AFDN: variants seen among roughly 807,000 people sequenced by gnomAD.
AFDN encodes the protein afadin.
Under a neutral mutation model 216.6 loss-of-function variants are expected in AFDN, and 68 were observed. The ratio of observed to expected loss-of-function variants is 0.31; its 90% confidence interval spans 0.26 to 0.38. The LOEUF (loss-of-function observed/expected upper bound fraction) is 0.38, where lower values mean the gene tolerates loss of function less well. Ranked by LOEUF, AFDN falls within the 10% of genes least tolerant of loss-of-function variation. The pLI is 1.00. For synonymous variants in AFDN, 868 were observed against 853.7 expected (o/e 1.02, Z -0.29); for missense variants, 2,136 against 2,342.0 (o/e 0.91, Z 1.82).
At chr6:167,966,321 C>T in intron 32 of AFDN, 1 of 1,390,042 alleles carries the variant, frequency 7.2e-7, no homozygotes, top group South Asian at 1.3e-5. Context: ...ATGATTGGAA[C>T]CTCAGCATCT....
chr6:167,903,469 A>G (rs1789249168), intron 12 of AFDN, among the ~76,000 whole-genome samples: 1 of 152,184 alleles, frequency 6.6e-6, no homozygotes, highest in Non-Finnish European at 1.5e-5. Context: ...GCCTTCTTGA[A>G]TGTTAGGCCC....
At position 167,827,172 on chromosome 6, in the gene AFDN, G is replaced by A; in HGVS notation, c.40G>A (p.Ala14Thr). 2 of 1,306,608 alleles carry A rather than the reference G, an allele frequency of 1.5e-6. No homozygotes were observed. The highest frequency in any genetic ancestry group is 1.0e-6 in the Non-Finnish European group (1 of 998,816). 80.9% of individuals were successfully genotyped at this position (1,306,608 alleles called of 1,614,324 possible). ...CCGTGACGAGGAGCGGCGGAAGCTG[G>A]CCGACATCATCCACCACTGGAACGC... ...GGRDEERRKL[A>T]DIIHHWNANR... is the part of the protein sequence containing the mutation. The change falls in exon 1 of 34, where the codon GCC (alanine) becomes ACC (threonine). Residue 14 changes from alanine (A) to threonine (T), a missense_variant. By Grantham distance (58) the Ala-to-Thr change is moderately conservative. Coordinates refer to ENST00000683244, the MANE Select transcript of AFDN (RefSeq NM_001386888.1).
upstream of AFDN, chr6:167,826,776 G>C: frequency 2.9e-6 from 1 of 345,276 alleles, no homozygotes; most frequent in Non-Finnish European, 5.7e-6. Flanking sequence ...TGGCGGCCGC[G>C]GCAGCAGCAC....
intron 23 of AFDN, among the ~76,000 whole-genome samples, chr6:167,934,244 A>G (rs147144540): frequency 1.3e-4 from 20 of 152,310 alleles, no homozygotes; most frequent in African/African-American, 4.1e-4. Flanking sequence ...TATACAAAGC[A>G]TAAACGAAAC....
At chr6:167,936,458 T>C (rs1470219609) in intron 23 of AFDN, among the ~76,000 whole-genome samples, 1 of 152,248 alleles carries the variant, frequency 6.6e-6, no homozygotes, top group African/African-American at 2.4e-5. Context: ...ATTATTTTAA[T>C]AAATTTTGAG....
chr6:167,967,164 A>G (rs1797651682), intron 32 of AFDN, among the ~76,000 whole-genome samples: 2 of 152,210 alleles, frequency 1.3e-5, no homozygotes, highest in African/African-American at 4.8e-5. Flanking sequence ...TTCTGGTACT[A>G]AATATCTTCA....
intron 30 of AFDN, among the ~76,000 whole-genome samples, chr6:167,958,937 G>C: frequency 6.6e-6 from 1 of 152,238 alleles, no homozygotes; most frequent in East Asian, 1.9e-4. Context: ...CAGAATATCA[G>C]AGCCACAGTG....
chr6:167,942,769 A>G (rs890772040), intron 23 of AFDN, among the ~76,000 whole-genome samples: 6 of 152,220 alleles, frequency 3.9e-5, no homozygotes, highest in Non-Finnish European at 8.8e-5. Flanking sequence ...ACAAGGGTAT[A>G]AGGGAGGATA....
At chr6:167,836,634 T>C (rs138115147) in intron 1 of AFDN, among the ~76,000 whole-genome samples, 1,821 of 152,346 alleles carry the variant, frequency 0.012, 23 homozygotes, top group Non-Finnish European at 0.018. Context: ...AGTGGCACCT[T>C]GTTTTGCACA....
intron 22 of AFDN, 71 bp downstream of exon 22, chr6:167,923,030 C>T (rs757952100): frequency 9.6e-7 from 1 of 1,041,790 alleles, no homozygotes; most frequent in African/African-American, 1.6e-5. Flanking sequence ...AGATTTGTTT[C>T]TTTCTTACAC....
intron 30 of AFDN, chr6:167,954,388 C>T: frequency 3.8e-6 from 5 of 1,301,682 alleles, no homozygotes; most frequent in Non-Finnish European, 5.3e-6. Context: ...TGGCAGATTA[C>T]AGGTCTAAAC....
intron 3 of AFDN, among the ~76,000 whole-genome samples, chr6:167,871,684 T>TA (rs1394173639): frequency 6.6e-6 from 1 of 152,196 alleles, no homozygotes; most frequent in East Asian, 1.9e-4. Flanking sequence ...GAAACGAAGT[T>TA]AGAGATTTTT....
At chr6:167,925,241 C>T in intron 23 of AFDN, 150 bp downstream of exon 23, 1 of 635,566 alleles carries the variant, frequency 1.6e-6, no homozygotes, top group South Asian at 1.9e-5. Context: ...AATGGTGTTA[C>T]ATGAATGAAG....
chr6:167,834,455 C>T (rs373854216), intron 1 of AFDN, among the ~76,000 whole-genome samples: 1,116 of 60,848 alleles, frequency 0.018, 25 homozygotes, highest in African/African-American at 0.062. Flanking sequence ...GTTGTTGTTT[C>T]GGTTTTTTTT....
chr6:167,873,289 C>T (rs1784984140), intron 4 of AFDN, among the ~76,000 whole-genome samples: 1 of 152,158 alleles, frequency 6.6e-6, no homozygotes, highest in Non-Finnish European at 1.5e-5. Context: ...ATATACTTGT[C>T]TGGAGAGGCT....
At chr6:167,863,147 G>A (rs191203198) in intron 1 of AFDN, among the ~76,000 whole-genome samples, 14 of 152,250 alleles carry the variant, frequency 9.2e-5, no homozygotes, top group East Asian at 3.9e-4. Context: ...TGTTTTGAGC[G>A]CCAACATGAC....
chr6:167,906,045 G>A (rs1355200349), intron 12 of AFDN, among the ~76,000 whole-genome samples: 1 of 152,222 alleles, frequency 6.6e-6, no homozygotes, highest in Admixed American at 6.5e-5. Flanking sequence ...GGAGCTTGCA[G>A]TGAGCTGAGA....
intron 30 of AFDN, chr6:167,954,597 G>C: frequency 3.2e-6 from 3 of 938,260 alleles, no homozygotes; most frequent in Non-Finnish European, 4.7e-6. Context: ...TTCTCCTTAG[G>C]GGTGTCCTCC....
At chr6:167,909,813 CAT>C (rs1790162134) in intron 13 of AFDN, among the ~76,000 whole-genome samples, 1 of 152,200 alleles carries the variant, frequency 6.6e-6, no homozygotes. Flanking sequence ...AGGCAAAACA[CAT>C]GTTCCCTGGC....
Sources: allele counts gnomAD v4.1 joint callset (sites outside exome capture counted in the v4.1 genomes callset), GRCh38; gene constraint gnomAD v4.1.1; transcripts MANE v1.5; gene names NCBI Gene and HGNC (gene_info 2026-07-23, HGNC 2026-07-21).